Variants in CCDC121 observed in about 807,000 individuals in gnomAD.
CCDC121 encodes the protein coiled-coil domain containing 121, also known as coiled-coil domain-containing protein 121.
For synonymous variants in CCDC121, 108 were observed against 120.0 expected (o/e 0.90, Z 0.65); for missense variants, 238 against 304.1 (o/e 0.78, Z 1.62).
At chr2:27,628,754 G>A in intron 1 of CCDC121, 196 bp downstream of exon 1, 3 of 1,545,666 alleles carry the variant, frequency 1.9e-6, no homozygotes, top group Non-Finnish European at 2.6e-6. Flanking sequence ...CCCTGCCCTC[G>A]GGACCCCATC....
At position 27,627,667 on chromosome 2, in the gene CCDC121, T is replaced by C. The variant is rs141619289; in HGVS notation, c.133A>G (p.Asn45Asp). 1.4e-4 allele frequency: 222 copies of C among 1,614,026 alleles called. No homozygotes were observed. The Middle Eastern group carries it at 1.6e-3, about 12-fold the overall frequency. Residue 45 changes from asparagine (N) to aspartate (D), a missense_variant, in exon 2 of 2, where the codon AAC becomes GAC. By Grantham distance (23) the Asn-to-Asp change is conservative. Coordinates refer to ENST00000324364, the MANE Select transcript of CCDC121 (RefSeq NM_024584.5). ...TGCTCTGTGTACTCTTCAGTTTTGT[T>C]AGTCAGGTATTCCAGAAAGAATCTG... The part of the protein sequence containing the change: ...ENRFFLEYLT[N>D]KTEEYTEQPE...
At chr2:27,628,594 C>A (rs1210078755) in intron 1 of CCDC121, 1 of 1,551,548 alleles carries the variant, frequency 6.4e-7, no homozygotes, top group Non-Finnish European at 8.7e-7. Context: ...GAGACTGCAC[C>A]CTGCTCCAGT....
At position 27,627,890 on chromosome 2, in the gene CCDC121, A is replaced by C; in HGVS notation, c.-91T>G. The C allele has an allele frequency of 6.2e-7, 1 of 1,613,948 alleles. No homozygotes were observed. Among genetic ancestry groups the C allele is most frequent in the Non-Finnish European group, 8.5e-7 (1 of 1,179,884 alleles). On this transcript the variant is annotated 5_prime_UTR_variant, in exon 2 of 2. Transcript: ENST00000324364. ...TATTTATTAGACTATGATACGGTGG[A>C]AGGAGCCTTCTGGGGCCCTCAGCAA...
In CCDC121 at chr2:27,627,025, CCTGT is replaced by C. The variant is rs1399378236; in HGVS notation, c.771_774del (p.Gln258MetfsTer23). On this transcript the variant is annotated frameshift_variant, in exon 2 of 2. Transcript: ENST00000324364. LOFTEE classifies it low-confidence loss of function (END_TRUNC). ...AGACTGGGTGTGGTCTTTGGAACAT[CCTGT>C]CTATTTAGGCACTGATTATGACTTC... 3.1e-6 allele frequency: 5 copies of C among 1,613,976 alleles called. No individual in the cohort carries two copies. Among genetic ancestry groups the C allele is most frequent in the South Asian group, 1.1e-5 (1 of 91,074 alleles).
chr2:27,628,812 A>C (rs1232671455), intron 1 of CCDC121, 138 bp downstream of exon 1: 2 of 1,487,918 alleles, frequency 1.3e-6, no homozygotes, highest in Non-Finnish European at 8.9e-7. Context: ...GGCTGCAGAG[A>C]TCAGCGCCCT....
chr2:27,628,532 G>A, intron 1 of CCDC121: 1 of 1,551,414 alleles, frequency 6.4e-7, no homozygotes, highest in Non-Finnish European at 8.7e-7. Flanking sequence ...GAAAGCTCCC[G>A]TAGTTTATTC....
rs755111834 is a variant in CCDC121 at position 27,627,959 on chromosome 2, CT to C, written c.-118-43del. ...GACATTCCTCTGTCAGTTAATGAAA[CT>C]TTAGGAAGTAAGTGCACAACTGTCC... is the stretch of plus-strand genomic sequence containing the variant. On this transcript the variant is annotated intron_variant, in intron 1 of 1. Transcript: ENST00000324364. 1.6e-5 allele frequency: 22 copies of C among 1,379,646 alleles called. No individual in the cohort carries two copies. In the Admixed American group the frequency reaches 2.5e-4, roughly 16 times the overall value. The allele number at this position is 1,379,646 out of a possible 1,614,324, so 85.5% of individuals were successfully genotyped here. A position where few individuals can be genotyped will look rare whatever the true frequency, so the allele number is the denominator to read the frequency against.
chr2:27,628,536 T>A (rs1305959390), intron 1 of CCDC121: 1 of 1,551,428 alleles, frequency 6.4e-7, no homozygotes. Context: ...GCTCCCGTAG[T>A]TTATTCGTTC....
chr2:27,627,012 G>C lies in CCDC121; in HGVS notation c.788C>G (p.Thr263Ser). 6.2e-7 allele frequency: 1 copy of C among 1,613,706 alleles called. No individual in the cohort carries two copies. Among genetic ancestry groups the C allele is most frequent in the Non-Finnish European group, 8.5e-7 (1 of 1,179,822 alleles). ...GGTGCCTTGGGGAAGACTGGGTGTG[G>C]TCTTTGGAACATCCTGTCTATTTAG... is the stretch of plus-strand genomic sequence containing the variant. ...QCLNRQDVPK[T>S]TPSLPQGTKS... The change falls in exon 2 of 2, where the codon ACC becomes AGC. Residue 263 changes from threonine to serine, a missense_variant. By Grantham distance (58) the Thr-to-Ser change is moderately conservative. Transcript: ENST00000324364.
intron 1 of CCDC121, chr2:27,628,660 G>C (rs1474067791): frequency 6.4e-7 from 1 of 1,551,408 alleles, no homozygotes; most frequent in Non-Finnish European, 8.7e-7. Flanking sequence ...ATAAGCCCGA[G>C]CAGCCGGTCC....
rs529110233 is a variant in CCDC121 at position 27,626,331 on chromosome 2, T to C, written c.*632A>G. 3.3e-5 allele frequency: 5 copies of C among 152,528 alleles called. No homozygotes were observed. The highest frequency in any genetic ancestry group is 1.2e-4 in the African/African-American group (5 of 41,602). The allele number at this position is 152,528 out of a possible 1,614,324, so 9.4% of individuals were successfully genotyped here. On this transcript the variant is annotated 3_prime_UTR_variant, in exon 2 of 2. Transcript: ENST00000324364. ...CAAAAGTAAGAGCTGACCTAATATA[T>C]GTCTCCTTCATCTTTTCTTACCTTC...
At chr2:27,628,551 C>G (rs1229536930) in intron 1 of CCDC121, 5 of 1,551,406 alleles carry the variant, frequency 3.2e-6, no homozygotes, top group Non-Finnish European at 4.4e-6. Flanking sequence ...TCGTTCGGTG[C>G]TCAAAGGGTC....
rs1420985276 is a variant in CCDC121, at chr2:27,627,721, G to T, written c.79C>A (p.Arg27=). The change falls in exon 2 of 2, where the codon CGA becomes AGA. Residue 27 remains arginine (R), a synonymous_variant. Transcript: ENST00000324364. ...QLLEESRELH[R]EKLLVQAENR... ...TCAGCCTGGACAAGTAACTTTTCTC[G>T]GTGTAGCTCCCTGGATTCCTCCAGT... 6.2e-7 allele frequency: 1 copy of T among 1,613,590 alleles called. No individual in the cohort carries two copies. The highest frequency in any genetic ancestry group is 8.5e-7 in the Non-Finnish European group (1 of 1,180,008).
intron 1 of CCDC121, chr2:27,628,158 CAG>C: frequency 1.6e-6 from 1 of 625,302 alleles, no homozygotes; most frequent in South Asian, 2.0e-5. Context: ...AAAACAGGTT[CAG>C]AGAGTTTAAG....
In CCDC121 at chr2:27,628,965, G is replaced by C. The variant is rs539712561; in HGVS notation, c.-134C>G. The C allele has an allele frequency of 1.0e-3, 1,592 of 1,575,236 alleles. 2 individuals are homozygous for C. The highest frequency in any genetic ancestry group is 1.3e-3 in the Non-Finnish European group (1,525 of 1,160,484). ...CGCCCCTCACCCGCTCCTTTCTGAC[G>C]CTGTGGTGGTTTTCGTTCGCAGCCC... On this transcript the variant is annotated 5_prime_UTR_variant, in exon 1 of 2. Transcript: ENST00000324364.
chr2:27,626,552 A>ATTTTTTT lies in CCDC121; in HGVS notation c.*410_*411insAAAAAAA, dbSNP rs1193348564. 1 of 155,748 alleles carries ATTTTTTT rather than the reference A, an allele frequency of 6.4e-6. No individual in the cohort carries two copies. Among genetic ancestry groups the ATTTTTTT allele is most frequent in the African/African-American group, 2.4e-5 (1 of 41,560 alleles). The allele number at this position is 155,748 out of a possible 1,614,324, so 9.6% of individuals were successfully genotyped here. On this transcript the variant is annotated 3_prime_UTR_variant, in exon 2 of 2. Transcript: ENST00000324364. ...TCAAAAGGAATGAGGATAAACTGGC[A>ATTTTTTT]GAACGCTATTCAAAGTCTATTTGGA...
rs1308873629 is a variant in CCDC121 at position 27,627,295 on chromosome 2, T to G, written c.505A>C (p.Lys169Gln). Residue 169 changes from lysine to glutamine, a missense_variant, in exon 2 of 2, where the codon AAA becomes CAA. Coordinates refer to ENST00000324364, the MANE Select transcript of CCDC121 (RefSeq NM_024584.5). ...GCCTTCATATTAAGCTCTCTTCTTTTTCTCTTTCCCAGTAGCCTCCTGTCT... is the reference window on the plus strand; with the variant it reads ...GCCTTCATATTAAGCTCTCTTCTTTGTCTCTTTCCCAGTAGCCTCCTGTCT... ...EPDRRLLGKRKRRELNMKAQA... is the reference protein window; with the variant it reads ...EPDRRLLGKRQRRELNMKAQA... 2.5e-6 allele frequency: 4 copies of G among 1,613,902 alleles called. No individual in the cohort carries two copies. The East Asian group carries it at 6.7e-5, about 27-fold the overall frequency.
At position 27,628,950 on chromosome 2, in the gene CCDC121, C is replaced by T; in HGVS notation, c.-119G>A. 7.1e-6 allele frequency: 11 copies of T among 1,554,164 alleles called. No individual in the cohort carries two copies. Among genetic ancestry groups the T allele is most frequent in the Non-Finnish European group, 8.7e-6 (10 of 1,150,292 alleles). On this transcript the variant is annotated splice_region_variant and 5_prime_UTR_variant, in exon 1 of 2. Coordinates refer to ENST00000324364, the MANE Select transcript of CCDC121 (RefSeq NM_024584.5). Reference sequence around the variant, plus strand: ...CCCTGGCAACCGCCGCGCCCCTCACCCGCTCCTTTCTGACGCTGTGGTGGT... The same window carrying T: ...CCCTGGCAACCGCCGCGCCCCTCACTCGCTCCTTTCTGACGCTGTGGTGGT...
At position 27,626,890 on chromosome 2, in the gene CCDC121, C is replaced by T. The variant is rs1673294610; in HGVS notation, c.*73G>A. ...CAATAGCAATCTGGAATCCAACAGC[C>T]TTTCTAACCAGGTTAATGTAGCACT... On this transcript the variant is annotated 3_prime_UTR_variant, in exon 2 of 2. Transcript: ENST00000324364. 1.8e-6 allele frequency: 2 copies of T among 1,083,800 alleles called. No homozygotes were observed. Among genetic ancestry groups the T allele is most frequent in the South Asian group, 3.3e-5 (2 of 61,374 alleles). The allele number at this position is 1,083,800 out of a possible 1,614,324, so 67.1% of individuals were successfully genotyped here.
Sources: allele counts gnomAD v4.1 joint callset, GRCh38; gene constraint gnomAD v4.1.1; transcripts MANE v1.5; gene names NCBI Gene and HGNC (gene_info 2026-07-23, HGNC 2026-07-21).